CSMD3: variants seen among roughly 807,000 people sequenced by gnomAD.
CSMD3 encodes CUB and Sushi multiple domains 3.
A neutral mutation model predicts 435.2 loss-of-function variants in CSMD3; 177 were observed. That is an observed-to-expected ratio of 0.41 (90% confidence interval 0.36 to 0.46). The LOEUF (loss-of-function observed/expected upper bound fraction) is 0.46. Among genes scored for constraint, CSMD3 ranks in the 20% least tolerant of loss-of-function variants. CSMD3 has a pLI of 0.34. For synonymous variants in CSMD3, 1,656 were observed against 1,520.5 expected, an observed-to-expected ratio of 1.09 and a Z score of -2.07; for missense variants, 4,265 against 4,504.6, an observed-to-expected ratio of 0.95 and a Z score of 1.52.
intron 35 of CSMD3, among the ~76,000 whole-genome samples, chr8:112,400,291 A>C (rs181826794): frequency 6.6e-6 from 1 of 152,298 alleles, no homozygotes; most frequent in East Asian, 1.9e-4. Flanking sequence ...ATGGTAGAAC[A>C]GGTGAAAATA....
At chr8:112,377,357 C>T (rs1050519742) in intron 38 of CSMD3, among the ~76,000 whole-genome samples, 30 of 151,950 alleles carry the variant, frequency 2.0e-4, no homozygotes, top group Non-Finnish European at 7.4e-5. Context: ...AATCAGTTAA[C>T]AAAATCCTCC....
intron 1 of CSMD3, among the ~76,000 whole-genome samples, chr8:113,356,978 A>T (rs908145756): frequency 6.6e-6 from 1 of 152,178 alleles, no homozygotes; most frequent in Non-Finnish European, 1.5e-5. Context: ...GGATATTATT[A>T]ATAAAATAGG....
chr8:112,344,824 A>G (rs11776386), intron 41 of CSMD3, among the ~76,000 whole-genome samples: 31,210 of 152,052 alleles, frequency 0.21, 3,759 homozygotes, highest in East Asian at 0.4. Flanking sequence ...AAGGTATTAT[A>G]GTGATTTGTA....
chr8:113,170,529 G>T (rs968699940), intron 4 of CSMD3, among the ~76,000 whole-genome samples: 1 of 152,018 alleles, frequency 6.6e-6, no homozygotes, highest in Admixed American at 6.6e-5. Context: ...CTCTTAAAGC[G>T]TTGTCCCTAG....
At chr8:113,002,505 A>G (rs2085901719) in intron 6 of CSMD3, among the ~76,000 whole-genome samples, 2 of 152,156 alleles carry the variant, frequency 1.3e-5, no homozygotes, top group African/African-American at 4.8e-5. Context: ...ATTAGCTTCA[A>G]TTAAAAATAA....
intron 10 of CSMD3, among the ~76,000 whole-genome samples, chr8:112,902,739 G>A (rs920628059): frequency 1.4e-4 from 21 of 151,370 alleles, no homozygotes; most frequent in Non-Finnish European, 2.5e-4. Flanking sequence ...AGTCTGCCAC[G>A]TGAAAACTAC....
rs537917104 is a variant in CSMD3 at position 112,976,530 on chromosome 8, A to G, written c.1031-382T>C. The stretch of plus-strand genomic sequence containing the variant: ...TAACTATGTAACCACACTTTTCTCA[A>G]AAGTATGCTTTGAATAGTCTGCCAT... On this transcript the variant is annotated intron_variant, in intron 6 of 70. Coordinates refer to ENST00000297405, the MANE Select transcript of CSMD3 (RefSeq NM_198123.2). 1.4e-4 allele frequency among the ~76,000 whole-genome samples: 21 copies of G among 152,212 alleles called. No individual in the cohort carries two copies. The East Asian group carries it at 3.5e-3, about 25-fold the overall frequency.
chr8:112,373,158 T>C (rs2131192337), intron 38 of CSMD3, among the ~76,000 whole-genome samples: 1 of 151,864 alleles, frequency 6.6e-6, no homozygotes, highest in African/African-American at 2.4e-5. Flanking sequence ...AATACTCCTT[T>C]AGGAATATAG....
chr8:112,670,857 T>C (rs1321197582), intron 16 of CSMD3, among the ~76,000 whole-genome samples: 2 of 152,144 alleles, frequency 1.3e-5, no homozygotes, highest in African/African-American at 4.8e-5. Context: ...AATTGGTTGA[T>C]GTTCAAGTTT....
chr8:112,255,647 T>G (rs117870781), intron 61 of CSMD3: 1 of 554,642 alleles, frequency 1.8e-6, no homozygotes, highest in Non-Finnish European at 3.2e-6. Flanking sequence ...ATTTCGATGT[T>G]TTCCACTTAG....
At chr8:113,123,685 C>G (rs1335910888) in intron 4 of CSMD3, among the ~76,000 whole-genome samples, 2 of 151,972 alleles carry the variant, frequency 1.3e-5, no homozygotes, top group African/African-American at 4.8e-5. Flanking sequence ...AAAGAGAGAG[C>G]ACTGTGTTGC....
chr8:112,639,505 C>T (rs2074758390), intron 20 of CSMD3, among the ~76,000 whole-genome samples: 1 of 152,164 alleles, frequency 6.6e-6, no homozygotes, highest in South Asian at 2.1e-4. Context: ...AATCGGACAC[C>T]TTTGTAAATA....
At chr8:112,725,518 A>T (rs2076945508) in intron 13 of CSMD3, among the ~76,000 whole-genome samples, 1 of 151,960 alleles carries the variant, frequency 6.6e-6, no homozygotes, top group Admixed American at 6.6e-5. Flanking sequence ...ATGGAAGTTG[A>T]TTCAATCCAA....
intron 7 of CSMD3, among the ~76,000 whole-genome samples, chr8:112,966,121 C>T (rs1405466060): frequency 1.3e-5 from 2 of 151,730 alleles, no homozygotes; most frequent in East Asian, 3.9e-4. Context: ...AAAATGTTGA[C>T]ATTCCCCTAT....
Position 113,206,371 on chromosome 8 carries a change from T to C in CSMD3, c.515-32455A>G, listed in dbSNP as rs142869962. Among the ~76,000 whole-genome samples, 746 of 152,300 alleles carry C rather than the reference T, an allele frequency of 4.9e-3. 8 individuals carry two copies. Among genetic ancestry groups the C allele is most frequent in the Admixed American group, 8.0e-3 (123 of 15,284 alleles). On this transcript the variant is annotated intron_variant, in intron 3 of 70. Transcript: ENST00000297405. ...TTTTCAATGTTTCATTATTTTGCAATCAATGATGAAGTAACCAATAATCCT... is the reference window on the plus strand; with the variant it reads ...TTTTCAATGTTTCATTATTTTGCAACCAATGATGAAGTAACCAATAATCCT...
At chr8:112,781,732 A>C (rs1431561502) in intron 13 of CSMD3, among the ~76,000 whole-genome samples, 2 of 152,050 alleles carry the variant, frequency 1.3e-5, no homozygotes, top group Non-Finnish European at 2.9e-5. Flanking sequence ...CAGCATAAAG[A>C]CAGAGAGACT....
At chr8:112,704,964 C>T (rs1364368664) in intron 13 of CSMD3, among the ~76,000 whole-genome samples, 1 of 152,040 alleles carries the variant, frequency 6.6e-6, no homozygotes, top group Non-Finnish European at 1.5e-5. Context: ...AAAATCCACA[C>T]TTCTTGATGA....
At chr8:113,134,905 GGTGAGCAAAT>G (rs2091376886) in intron 4 of CSMD3, among the ~76,000 whole-genome samples, 2 of 151,948 alleles carry the variant, frequency 1.3e-5, no homozygotes, top group Admixed American at 6.6e-5. Context: ...GAAGCAAAAA[GGTGAGCAAAT>G]GTGAGCAAAT....
intron 11 of CSMD3, 119 bp downstream of exon 11, chr8:112,859,026 A>G: frequency 1.1e-6 from 1 of 898,168 alleles, no homozygotes; most frequent in Non-Finnish European, 1.8e-6. Flanking sequence ...AGTAGGGAAT[A>G]TTGCGCCAAA....
Sources: allele counts gnomAD v4.1 joint callset (sites outside exome capture counted in the v4.1 genomes callset), GRCh38; gene constraint gnomAD v4.1.1; transcripts MANE v1.5; gene names NCBI Gene and HGNC (gene_info 2026-07-23, HGNC 2026-07-21).